Variants in SAMM50 observed in about 807,000 individuals in gnomAD.
SAMM50 encodes the protein sorting and assembly machinery component 50 homolog.
In SAMM50, 47 loss-of-function variants were observed where a neutral mutation model predicts 66.9. The ratio of observed to expected loss-of-function variants is 0.70; its 90% CI spans 0.56 to 0.90. SAMM50 has a LOEUF of 0.90. Ranked by LOEUF, SAMM50 falls within the 40% of genes least tolerant of loss-of-function variation. The pLI is 0.00. For missense variants in SAMM50, 535 were observed against 595.3 expected (o/e 0.90, Z 1.05); for synonymous variants, 191 against 214.1 (o/e 0.89, Z 0.94).
intron 7 of SAMM50, among the ~76,000 whole-genome samples, chr22:43,973,952 T>C (rs1373289209): frequency 1.3e-5 from 2 of 152,134 alleles, no homozygotes; most frequent in Non-Finnish European, 2.9e-5. Context: ...AGTTTACACC[T>C]AGAAGGGTGT....
Position 43,983,991 on chromosome 22 carries a change from C to T in SAMM50, c.1066C>T (p.Gln356Ter), listed in dbSNP as rs749568021. 10 of 1,611,556 alleles carry T rather than the reference C, an allele frequency of 6.2e-6. No individual in the cohort carries two copies. Among genetic ancestry groups the T allele is most frequent in the Non-Finnish European group, 8.5e-6 (10 of 1,179,084 alleles). The part of the protein sequence containing the change: ...RGFSMHSIGP[Q>*]SEGDYLGGEA... Reference sequence around the variant, plus strand: ...ATTCAGCATGCACAGCATCGGGCCACAGAGCGAAGGTCTGTCCTTTCCCCT... The same window carrying T: ...ATTCAGCATGCACAGCATCGGGCCATAGAGCGAAGGTCTGTCCTTTCCCCT... The change falls in exon 12 of 15, where the codon CAG becomes TAG. Residue 356 changes from glutamine (Q) to a stop codon, truncating the protein, a stop_gained. Transcript: ENST00000350028. LOFTEE classifies it high-confidence loss of function. This position sits in a 1 kb window ranked among gnomAD's most constrained non-coding sequence, Gnocchi z 4.2.
rs181391813 is a variant in SAMM50, at chr22:43,984,373, C to T, written c.1075+373C>T. On this transcript the variant is annotated intron_variant, in intron 12 of 14. Coordinates refer to ENST00000350028, the MANE Select transcript of SAMM50 (RefSeq NM_015380.5). ...TGTTGCCTAGGCTGGAGTGCAATGG[C>T]GCGATCTCGGCTCACCGCAACCTCC... Among the ~76,000 whole-genome samples the T allele has an allele frequency of 1.5e-3, 233 of 152,256 alleles. 1 individual carries two copies. The highest frequency in any genetic ancestry group is 5.1e-3 in the African/African-American group (212 of 41,544).
At position 43,969,427 on chromosome 22, in the gene SAMM50, G is replaced by A. The variant is rs113897849; in HGVS notation, c.322+609G>A. Among the ~76,000 whole-genome samples, 495 of 152,316 alleles carry A rather than the reference G, an allele frequency of 3.2e-3. 3 individuals carry two copies. Among genetic ancestry groups the A allele is most frequent in the African/African-American group, 0.011 (466 of 41,568 alleles). On this transcript the variant is annotated intron_variant, in intron 4 of 14. Transcript: ENST00000350028. ...CAGGCCCCAGAGGGAGACACAGGGC[G>A]TGGTCTCCTCCTGATGGGCTTCGGT...
intron 2 of SAMM50, among the ~76,000 whole-genome samples, chr22:43,963,916 A>ATTTTTTTTTTTTT (rs2050159971): frequency 6.6e-6 from 1 of 150,542 alleles, no homozygotes; most frequent in African/African-American, 2.5e-5. Context: ...TTATTTTTAA[A>ATTTTTTTTTTTTT]ATTTTTTTTG....
rs770895589 is a variant in SAMM50 at position 43,981,475 on chromosome 22, A to C, written c.1007+14A>C. On this transcript the variant is annotated intron_variant, in intron 11 of 14. Transcript: ENST00000350028. ...CATTGCTGATAGGTAAGTACTAATCAATGAATGGATAATTTGCACATATTT... is the reference window on the plus strand; with the variant it reads ...CATTGCTGATAGGTAAGTACTAATCCATGAATGGATAATTTGCACATATTT... 6.4e-7 allele frequency: 1 copy of C among 1,554,000 alleles called. No homozygotes were observed. Among genetic ancestry groups the C allele is most frequent in the Non-Finnish European group, 8.9e-7 (1 of 1,125,810 alleles).
intron 13 of SAMM50, among the ~76,000 whole-genome samples, chr22:43,989,825 A>G (rs984106750): frequency 5.9e-5 from 9 of 152,312 alleles, no homozygotes; most frequent in South Asian, 2.1e-4. Flanking sequence ...TAAACAAGTC[A>G]TGATGGCCAC....
At chr22:43,982,258 G>A (rs1050083122) in intron 11 of SAMM50, among the ~76,000 whole-genome samples, 2 of 152,204 alleles carry the variant, frequency 1.3e-5, no homozygotes, top group Non-Finnish European at 2.9e-5. Context: ...TTTTCTAAGT[G>A]TGTAAAGATT....
intron 10 of SAMM50, among the ~76,000 whole-genome samples, chr22:43,980,087 TC>T: frequency 6.8e-6 from 1 of 148,018 alleles, no homozygotes; most frequent in Non-Finnish European, 1.5e-5. Flanking sequence ...CATCCGTCCG[TC>T]CATCCATCCA....
intron 14 of SAMM50, chr22:43,996,123 ATTCTCCGAGGGC>A: frequency 4.5e-6 from 3 of 665,372 alleles, no homozygotes; most frequent in Non-Finnish European, 8.1e-6. Flanking sequence ...TCCCTTTTCC[ATTCTCCGAGGGC>A]TTAACCAGCT....
chr22:43,976,711 T>G (rs2050234367), intron 8 of SAMM50, 39 bp from the exon 9 acceptor site: 1 of 1,502,250 alleles, frequency 6.7e-7, no homozygotes. Flanking sequence ...CTAATAGAAC[T>G]TCTTAAAGTG....
chr22:43,958,121 C>T (rs1216814851), intron 1 of SAMM50, among the ~76,000 whole-genome samples: 1 of 152,166 alleles, frequency 6.6e-6, no homozygotes, highest in Admixed American at 6.5e-5. Flanking sequence ...ACTTCATTCC[C>T]CCTCCCATCA....
intron 1 of SAMM50, chr22:43,957,172 G>A (rs1006037830): frequency 2.7e-6 from 2 of 736,240 alleles, no homozygotes; most frequent in Non-Finnish European, 5.0e-6. Context: ...TGTATACAAA[G>A]CAAAGAACAA....
chr22:43,992,852 C>T (rs1025624206), intron 14 of SAMM50, among the ~76,000 whole-genome samples: 1 of 152,228 alleles, frequency 6.6e-6, no homozygotes, highest in Middle Eastern at 3.2e-3. Context: ...TGCCCCTCCC[C>T]CTCCACATCA....
intron 7 of SAMM50, 22 bp from the exon 8 acceptor site, chr22:43,976,033 A>T: frequency 6.3e-7 from 1 of 1,597,620 alleles, no homozygotes; most frequent in Non-Finnish European, 8.6e-7. Flanking sequence ...GTCCGGAAAG[A>T]TGTCTGATCT....
chr22:43,968,801 T>C lies in SAMM50; in HGVS notation c.305T>C (p.Leu102Ser). ...GGAATTTTTAGACAAGTGGATGTTT[T>C]GATTGACACATGTCAAGGTACATAT... ...RLGIFRQVDV[L>S]IDTCQGDDAL... Residue 102 changes from leucine (L) to serine (S), a missense_variant, in exon 4 of 15, where the codon TTG becomes TCG. Physicochemically the swap from Leu to Ser is moderately radical, Grantham distance 145. Transcript: ENST00000350028. 1 of 1,610,740 alleles carries C rather than the reference T, an allele frequency of 6.2e-7. No homozygotes were observed. The highest frequency in any genetic ancestry group is 1.3e-5 in the African/African-American group (1 of 74,994).
chr22:43,983,957 C>T lies in SAMM50; in HGVS notation c.1032C>T (p.Ser344=), dbSNP rs115547782. 1.2e-4 allele frequency: 198 copies of T among 1,611,594 alleles called. No homozygotes were observed. In the African/African-American group the frequency reaches 2.0e-3, roughly 16 times the overall value. ...GGTTTTACCTTGGGGGACCCACAAG[C>T]ATCCGCGGATTCAGCATGCACAGCA... ...ADRFYLGGPT[S]IRGFSMHSIG... Residue 344 remains serine, a synonymous_variant, in exon 12 of 15, where the codon AGC becomes AGT. Transcript: ENST00000350028. The surrounding 1 kb of genome is among the most constrained non-coding windows in gnomAD (Gnocchi z 4.2).
At chr22:43,968,067 C>CA (rs920612107) in intron 3 of SAMM50, among the ~76,000 whole-genome samples, 5 of 146,728 alleles carry the variant, frequency 3.4e-5, no homozygotes, top group African/African-American at 7.5e-5. Context: ...GCTAAACATA[C>CA]AAAAAAAAAA....
At chr22:43,960,496 A>AG (rs2050142360) in intron 1 of SAMM50, among the ~76,000 whole-genome samples, 1 of 152,188 alleles carries the variant, frequency 6.6e-6, no homozygotes, top group South Asian at 2.1e-4. Context: ...TGGGAGGCTG[A>AG]GGTGGGTGGA....
intron 14 of SAMM50, among the ~76,000 whole-genome samples, chr22:43,994,554 G>C (rs1444252940): frequency 6.6e-6 from 1 of 152,184 alleles, no homozygotes; most frequent in African/African-American, 2.4e-5. Context: ...CAGCCTCAGA[G>C]TCCAAGTTCG....
Sources: allele counts gnomAD v4.1 joint callset (sites outside exome capture counted in the v4.1 genomes callset), GRCh38; gene constraint gnomAD v4.1.1; non-coding constraint Gnocchi (gnomAD v3.1); transcripts MANE v1.5; gene names NCBI Gene and HGNC (gene_info 2026-07-23, HGNC 2026-07-21).